EXOC2: variants seen among roughly 807,000 people sequenced by gnomAD.
The protein encoded by EXOC2 is exocyst complex component 2.
Under a neutral mutation model 131.8 loss-of-function variants are expected in EXOC2, and 70 were observed. The ratio of observed to expected loss-of-function variants is 0.53; its 90% CI spans 0.44 to 0.65. EXOC2 has a LOEUF of 0.65. Among genes scored for constraint, EXOC2 ranks in the 30% least tolerant of loss-of-function variants. The probability of loss-of-function intolerance (pLI) is 0.00; values close to 1 mark genes in which losing one functional copy is unlikely to be tolerated. For synonymous variants in EXOC2, 411 were observed against 398.4 expected, an observed-to-expected ratio of 1.03 and a Z score of -0.38; for missense variants, 923 against 1,108.6, an observed-to-expected ratio of 0.83 and a Z score of 2.38.
At chr6:546,060 T>A (rs1328595233) in intron 22 of EXOC2, among the ~76,000 whole-genome samples, 1 of 152,196 alleles carries the variant, frequency 6.6e-6, no homozygotes, top group African/African-American at 2.4e-5. Context: ...ATGGTTACTA[T>A]AAATATTAAA....
chr6:591,932 A>T (rs1383841488), intron 11 of EXOC2, among the ~76,000 whole-genome samples: 1 of 152,094 alleles, frequency 6.6e-6, no homozygotes, highest in Non-Finnish European at 1.5e-5. Flanking sequence ...CAGTTCTAAT[A>T]CGGAGGCTTC....
At chr6:618,971 C>T (rs1002933688) in intron 5 of EXOC2, among the ~76,000 whole-genome samples, 1 of 152,066 alleles carries the variant, frequency 6.6e-6, no homozygotes, top group African/African-American at 2.4e-5. Flanking sequence ...GATATATGAC[C>T]TTGTCTACTT....
intron 22 of EXOC2, among the ~76,000 whole-genome samples, chr6:544,803 C>T (rs372927841): frequency 9.8e-5 from 15 of 152,312 alleles, no homozygotes; most frequent in East Asian, 9.6e-4. Context: ...AAAGGAGCTG[C>T]CCCTCCACAC....
At chr6:621,895 C>T (rs2127685148) in intron 4 of EXOC2, among the ~76,000 whole-genome samples, 1 of 152,296 alleles carries the variant, frequency 6.6e-6, no homozygotes, top group South Asian at 2.1e-4. Flanking sequence ...GTTTTTCTCA[C>T]TTTATTTATC....
chr6:497,835 C>G (rs1763831264), intron 24 of EXOC2, among the ~76,000 whole-genome samples: 2 of 152,172 alleles, frequency 1.3e-5, no homozygotes, highest in South Asian at 4.1e-4. Flanking sequence ...TAAGAACATA[C>G]TGGGTCAATA....
intron 25 of EXOC2, among the ~76,000 whole-genome samples, chr6:493,662 T>TATCA (rs1763561579): frequency 6.6e-6 from 1 of 152,188 alleles, no homozygotes; most frequent in Admixed American, 6.5e-5. Flanking sequence ...CCTAATTGCC[T>TATCA]ATCAAAGGTT....
intron 1 of EXOC2, among the ~76,000 whole-genome samples, chr6:677,045 T>C (rs867244165): frequency 2.2e-4 from 12 of 54,784 alleles, no homozygotes; most frequent in African/African-American, 4.5e-4. Flanking sequence ...AAAGGACAGC[T>C]TTCTCTGGAG....
chr6:606,580 G>A (rs985248105), intron 7 of EXOC2, among the ~76,000 whole-genome samples: 3 of 152,136 alleles, frequency 2.0e-5, no homozygotes, highest in Admixed American at 1.3e-4. Context: ...TCTTTTCTGT[G>A]CTCTGACAGA....
chr6:589,404 C>G (rs535883293), intron 11 of EXOC2, among the ~76,000 whole-genome samples: 2 of 152,086 alleles, frequency 1.3e-5, no homozygotes, highest in Non-Finnish European at 2.9e-5. Flanking sequence ...GTGTCTGGAA[C>G]GCGTCTCAAT....
chr6:486,997 T>TCC (rs1234262712), intron 27 of EXOC2, among the ~76,000 whole-genome samples: 8 of 152,192 alleles, frequency 5.3e-5, no homozygotes. Flanking sequence ...CTCCTTCCTA[T>TCC]CCCCTCCCAA....
At chr6:495,177 C>G (rs981610779) in intron 25 of EXOC2, among the ~76,000 whole-genome samples, 7 of 140,374 alleles carry the variant, frequency 5.0e-5, no homozygotes, top group Admixed American at 7.9e-5. Flanking sequence ...CCAGGCCAGA[C>G]TGCAGTGGTG....
chr6:532,689 T>G, intron 22 of EXOC2, 79 bp from the exon 23 acceptor site: 1 of 1,267,596 alleles, frequency 7.9e-7, no homozygotes, highest in African/African-American at 1.5e-5. Flanking sequence ...CAATAAATAC[T>G]TCAGACTATA....
intron 11 of EXOC2, among the ~76,000 whole-genome samples, chr6:580,618 A>G (rs1758836865): frequency 6.6e-6 from 1 of 152,160 alleles, no homozygotes; most frequent in African/African-American, 2.4e-5. Flanking sequence ...CTAAGTTTGA[A>G]ATTGAGGCAG....
intron 13 of EXOC2, among the ~76,000 whole-genome samples, chr6:568,783 A>G (rs1418599345): frequency 6.6e-6 from 1 of 152,376 alleles, no homozygotes; most frequent in Admixed American, 6.5e-5. Flanking sequence ...GTTCTATTAC[A>G]TATTTTTAAA....
chr6:516,160 G>C (rs74691848), intron 23 of EXOC2, among the ~76,000 whole-genome samples: 7 of 152,170 alleles, frequency 4.6e-5, no homozygotes, highest in African/African-American at 1.2e-4. Context: ...TCCTGAAAGC[G>C]TTTCATTAAA....
At chr6:586,716 A>G (rs2127617239) in intron 11 of EXOC2, among the ~76,000 whole-genome samples, 1 of 152,330 alleles carries the variant, frequency 6.6e-6, no homozygotes, top group South Asian at 2.1e-4. Context: ...GGAGGTGTTC[A>G]GTAACCTATT....
chr6:496,099 T>G (rs1763718801), intron 25 of EXOC2, among the ~76,000 whole-genome samples: 1 of 152,130 alleles, frequency 6.6e-6, no homozygotes, highest in South Asian at 2.1e-4. Context: ...ACCTACTGAT[T>G]TATGAGGAGC....
intron 7 of EXOC2, among the ~76,000 whole-genome samples, chr6:605,510 C>G (rs1760358099): frequency 6.6e-6 from 1 of 152,220 alleles, no homozygotes; most frequent in African/African-American, 2.4e-5. Flanking sequence ...ATAGTATTCT[C>G]TGATGGTAGT....
At chr6:664,870 T>C (rs1581655588) in intron 1 of EXOC2, among the ~76,000 whole-genome samples, 2 of 152,208 alleles carry the variant, frequency 1.3e-5, no homozygotes, top group African/African-American at 2.4e-5. Context: ...CTTCTAGACA[T>C]TGGCTTAGGC....
Sources: gnomAD v4.1 joint callset for allele counts (sites outside exome capture counted in the v4.1 genomes callset) on GRCh38, gnomAD v4.1.1 for gene constraint, MANE v1.5 for transcripts, NCBI Gene and HGNC (gene_info 2026-07-23, HGNC 2026-07-21) for gene names.